GCH1: variants seen among roughly 807,000 people sequenced by gnomAD.
GCH1 encodes GTP cyclohydrolase 1, also known as GTP cyclohydrolase I.
A neutral mutation model predicts 25.9 loss-of-function variants in GCH1; 5 were observed. The ratio of observed to expected loss-of-function variants is 0.19; its 90% confidence interval spans 0.10 to 0.41. GCH1 has a LOEUF of 0.41. Ranked by LOEUF, GCH1 falls within the 10% of genes least tolerant of loss-of-function variation. The pLI is 1.00. For missense variants in GCH1, 261 were observed against 336.5 expected (o/e 0.78, Z 1.75); for synonymous variants, 159 against 129.6 (o/e 1.23, Z -1.54).
chr14:54,884,246 C>A (rs2040314319), intron 1 of GCH1, among the ~76,000 whole-genome samples: 1 of 151,798 alleles, frequency 6.6e-6, no homozygotes, highest in Admixed American at 6.6e-5. Context: ...TGAGACAAAA[C>A]AATATGATTG....
intron 2 of GCH1, among the ~76,000 whole-genome samples, chr14:54,864,329 A>C (rs904627320): frequency 6.6e-6 from 1 of 152,368 alleles, no homozygotes; most frequent in African/African-American, 2.4e-5. Flanking sequence ...ATAAGTATTC[A>C]TAACACTGCT....
intron 2 of GCH1, among the ~76,000 whole-genome samples, chr14:54,862,593 G>GTTGTT (rs779677779): frequency 3.1e-5 from 3 of 97,506 alleles, no homozygotes; most frequent in African/African-American, 1.2e-4. Flanking sequence ...ATTGGTTTTC[G>GTTGTT]TTTTTTTTTT....
intron 1 of GCH1, among the ~76,000 whole-genome samples, chr14:54,900,304 G>A (rs575457267): frequency 9.9e-5 from 15 of 151,946 alleles, no homozygotes; most frequent in African/African-American, 3.6e-4. Flanking sequence ...CCTCCTCCTG[G>A]GTTCAAGTGA....
chr14:54,880,208 G>C (rs1010027736), intron 1 of GCH1, among the ~76,000 whole-genome samples: 4 of 150,354 alleles, frequency 2.7e-5, no homozygotes, highest in African/African-American at 7.3e-5. Context: ...ATGATAACTG[G>C]ATCAGGAAGT....
Position 54,890,935 on chromosome 14 carries a change from C to A in GCH1, c.343+11386G>T, listed in dbSNP as rs373099793. 8.5e-5 allele frequency among the ~76,000 whole-genome samples: 13 copies of A among 152,296 alleles called. No individual in the cohort carries two copies. In the East Asian group the frequency reaches 2.5e-3, roughly 29 times the overall value. On this transcript the variant is annotated intron_variant, in intron 1 of 5. Coordinates refer to ENST00000491895, the MANE Select transcript of GCH1 (RefSeq NM_000161.3). ...CTGACTACACAGAACCCCTTTACTCCTTGAAGGCCAAGATCAGGCCAACAA... is the reference window on the plus strand; with the variant it reads ...CTGACTACACAGAACCCCTTTACTCATTGAAGGCCAAGATCAGGCCAACAA...
intron 1 of GCH1, among the ~76,000 whole-genome samples, chr14:54,899,200 C>T (rs950303250): frequency 2.6e-5 from 4 of 152,118 alleles, no homozygotes; most frequent in African/African-American, 9.7e-5. Context: ...GTGGCTCACA[C>T]CTGTAATCCT....
At chr14:54,901,352 A>G (rs1162523394) in intron 1 of GCH1, among the ~76,000 whole-genome samples, 2 of 151,074 alleles carry the variant, frequency 1.3e-5, no homozygotes, top group African/African-American at 4.8e-5. Flanking sequence ...CCAGCTGTAG[A>G]AGCCAGAAGC....
chr14:54,843,442 A>T lies in GCH1; in HGVS notation c.*575T>A, dbSNP rs1409070737. 8.1e-7 allele frequency: 1 copy of T among 1,228,904 alleles called. No homozygotes were observed. Among genetic ancestry groups the T allele is most frequent in the Non-Finnish European group, 1.0e-6 (1 of 983,810 alleles). The allele number at this position is 1,228,904 out of a possible 1,614,324, so 76.1% of individuals were successfully genotyped here. On this transcript the variant is annotated 3_prime_UTR_variant, in exon 6 of 6. Transcript: ENST00000491895. ...CCTTTTTAACTCACAGTAAAATCAA[A>T]AACATAGACATTCCACCACCTTCCC...
intron 1 of GCH1, chr14:54,878,156 G>A (rs959825864): frequency 1.9e-5 from 3 of 154,710 alleles, no homozygotes. Flanking sequence ...TTCCTCAAAA[G>A]GAAATTTCTG....
At position 54,843,640 on chromosome 14, in the gene GCH1, A is replaced by G; in HGVS notation, c.*377T>C. On this transcript the variant is annotated 3_prime_UTR_variant, in exon 6 of 6. Coordinates refer to ENST00000491895, the MANE Select transcript of GCH1 (RefSeq NM_000161.3). ...TTATTGGAGGAAGAAAAAAAACAGT[A>G]TACTGGGCACAGTTCCCTCTCATTC... is the stretch of plus-strand genomic sequence containing the variant. The G allele has an allele frequency of 6.6e-6, 10 of 1,526,074 alleles. No homozygotes were observed. Among genetic ancestry groups the G allele is most frequent in the Non-Finnish European group, 8.8e-6 (10 of 1,142,566 alleles). 94.5% of individuals were successfully genotyped at this position (1,526,074 alleles called of 1,614,324 possible).
At chr14:54,871,749 G>A (rs1048499437) in intron 1 of GCH1, among the ~76,000 whole-genome samples, 2 of 152,228 alleles carry the variant, frequency 1.3e-5, no homozygotes, top group South Asian at 2.1e-4. Flanking sequence ...GGGTATCAGT[G>A]ATGGAAGATC....
At chr14:54,846,982 A>G (rs943893399) in intron 4 of GCH1, 117 bp downstream of exon 4, 1 of 490,794 alleles carries the variant, frequency 2.0e-6, no homozygotes, top group African/African-American at 2.0e-5. Flanking sequence ...GTGAGCCGAG[A>G]TTGCACCACT....
chr14:54,844,164 G>A, intron 5 of GCH1, 21 bp from the exon 6 acceptor site: 1 of 1,574,068 alleles, frequency 6.4e-7, no homozygotes, highest in Non-Finnish European at 8.7e-7. Context: ...AGGCAACACA[G>A]GTTGTTTAAA....
chr14:54,848,998 A>G (rs1265690108), intron 3 of GCH1, among the ~76,000 whole-genome samples: 3 of 152,230 alleles, frequency 2.0e-5, no homozygotes, highest in African/African-American at 7.2e-5. Flanking sequence ...CGTATTCACC[A>G]TTCTTTTTCT....
rs1021040291 is a variant in GCH1, at chr14:54,896,521, T to C, written c.343+5800A>G. ...TAAATCCTTAAACAGATCCCCTAGA[T>C]ACAGGCTTTCAAACTTTTGACTACA... is the stretch of plus-strand genomic sequence containing the variant. On this transcript the variant is annotated intron_variant, in intron 1 of 5. Coordinates refer to ENST00000491895, the MANE Select transcript of GCH1 (RefSeq NM_000161.3). 5.9e-5 allele frequency among the ~76,000 whole-genome samples: 9 copies of C among 151,994 alleles called. No individual in the cohort carries two copies. In the East Asian group the frequency reaches 1.7e-3, roughly 29 times the overall value.
chr14:54,847,968 C>A (rs1238667022), intron 3 of GCH1, among the ~76,000 whole-genome samples: 1 of 152,120 alleles, frequency 6.6e-6, no homozygotes, highest in Admixed American at 6.6e-5. Flanking sequence ...CGGTCAACTA[C>A]TATACCAACT....
chr14:54,902,766 C>T lies in GCH1; in HGVS notation c.-103G>A. 2 of 1,350,274 alleles carry T rather than the reference C, an allele frequency of 1.5e-6. No homozygotes were observed. The highest frequency in any genetic ancestry group is 1.9e-6 in the Non-Finnish European group (2 of 1,054,652). The allele number at this position is 1,350,274 out of a possible 1,614,324, so 83.6% of individuals were successfully genotyped here. A position where few individuals can be genotyped will look rare whatever the true frequency, so the allele number is the denominator to read the frequency against. On this transcript the variant is annotated 5_prime_UTR_variant, in exon 1 of 6. Transcript: ENST00000491895. ...GCGGACAATGGGCTGTGGCCGGAGT[C>T]ACCTGAGGAAGGTACGCAACCTGCT...
At chr14:54,873,426 T>A (rs2040110533) in intron 1 of GCH1, among the ~76,000 whole-genome samples, 2 of 151,930 alleles carry the variant, frequency 1.3e-5, no homozygotes, top group African/African-American at 4.8e-5. Context: ...AACATCACAA[T>A]TAAAAGAACT....
chr14:54,884,444 G>A (rs568635070), intron 1 of GCH1, among the ~76,000 whole-genome samples: 2 of 152,274 alleles, frequency 1.3e-5, no homozygotes, highest in South Asian at 2.1e-4. Flanking sequence ...TTCTCTTTTA[G>A]AGCATTGTTT....
Sources: allele counts gnomAD v4.1 joint callset (sites outside exome capture counted in the v4.1 genomes callset), GRCh38; gene constraint gnomAD v4.1.1; transcripts MANE v1.5; gene names NCBI Gene and HGNC (gene_info 2026-07-23, HGNC 2026-07-21).